The following MDN1 variants were observed in gnomAD, a reference collection of about 807,000 sequenced individuals.
MDN1 encodes the protein midasin.
Under a neutral mutation model 669.2 loss-of-function variants are expected in MDN1, and 266 were observed. The observed-to-expected ratio is 0.40, with a 90% CI of 0.36 to 0.44. MDN1 has a LOEUF of 0.44. Ranked by LOEUF, MDN1 falls within the 20% of genes least tolerant of loss-of-function variation. MDN1 has a pLI of 1.00. For synonymous variants in MDN1, 2,385 were observed against 2,457.1 expected, an observed-to-expected ratio of 0.97 and a Z score of 0.87; for missense variants, 5,940 against 6,754.0, an observed-to-expected ratio of 0.88 and a Z score of 4.22.
chr6:89,718,990 T>G lies in MDN1; in HGVS notation c.6098A>C (p.His2033Pro), dbSNP rs1584260259. Reference sequence around the variant, plus strand: ...GAGCAACAGGGGATGGCGGGACGGGTGAGGAACACAGCTCCCACGGGAAAG... The same window carrying G: ...GAGCAACAGGGGATGGCGGGACGGGGGAGGAACACAGCTCCCACGGGAAAG... Reference protein sequence around the residue: ...SVLSRGSCVPHPSRHPLLLLH... With the variant: ...SVLSRGSCVPPPSRHPLLLLH... The change falls in exon 42 of 102, where the codon CAC (histidine) becomes CCC (proline). Residue 2033 changes from histidine (H) to proline (P), a missense_variant. By Grantham distance (77) the His-to-Pro change is moderately conservative. This residue lies in a region of MDN1 where 2,292 missense variants were observed against 2,638.3 expected (regional missense o/e 0.87). Coordinates refer to ENST00000369393, the MANE Select transcript of MDN1 (RefSeq NM_014611.3). 3 of 1,613,944 alleles carry G rather than the reference T, an allele frequency of 1.9e-6. No homozygotes were observed. Among genetic ancestry groups the G allele is most frequent in the Non-Finnish European group, 2.5e-6 (3 of 1,179,976 alleles).
chr6:89,654,982 A>C (rs1311498279), intron 92 of MDN1, among the ~76,000 whole-genome samples: 1 of 152,206 alleles, frequency 6.6e-6, no homozygotes, highest in Non-Finnish European at 1.5e-5. Flanking sequence ...CAGTGTACTT[A>C]ACTATACAAC....
intron 1 of MDN1, among the ~76,000 whole-genome samples, chr6:89,807,027 T>C (rs1345562802): frequency 6.6e-6 from 1 of 152,192 alleles, no homozygotes; most frequent in Non-Finnish European, 1.5e-5. Context: ...TGAAATTCTT[T>C]ATTTTGAAGA....
At chr6:89,650,282 C>A in intron 96 of MDN1, 84 bp from the exon 97 acceptor site, 1 of 1,270,904 alleles carries the variant, frequency 7.9e-7, no homozygotes, top group Non-Finnish European at 1.1e-6. Context: ...CACAATAATA[C>A]CTTAAAACCA....
rs751545589 is a variant in MDN1, at chr6:89,743,246, T to C, written c.4352A>G (p.His1451Arg). 33 of 1,614,030 alleles carry C rather than the reference T, an allele frequency of 2.0e-5. No individual in the cohort carries two copies. Among genetic ancestry groups the C allele is most frequent in the Non-Finnish European group, 2.7e-5 (32 of 1,179,968 alleles). ...EIDTSRLFEW[H>R]DGPLVQAMKE... ...CATGGCCTGAACCAGAGGCCCATCA[T>C]GCCACTCAAAGAGTCTTGATGTGTC... The change falls in exon 31 of 102, where the codon CAT (histidine) becomes CGT (arginine). Residue 1451 changes from histidine to arginine, a missense_variant. Coordinates refer to ENST00000369393, the MANE Select transcript of MDN1 (RefSeq NM_014611.3).
intron 27 of MDN1, among the ~76,000 whole-genome samples, chr6:89,746,610 AAAAAGAAAGAAAGAAAGAAAGAAAG>A: frequency 7.5e-5 from 1 of 13,340 alleles, no homozygotes; most frequent in East Asian, 5.4e-4. Flanking sequence ...AAAAAAAAAA[AAAAAGAAAGAAAGAAAGAAAGAAAG>A]AAAGAAAGAA....
In MDN1 at chr6:89,643,971, C is replaced by T. The variant is rs369872742; in HGVS notation, c.*34G>A. On this transcript the variant is annotated 3_prime_UTR_variant, in exon 102 of 102. Coordinates refer to ENST00000369393, the MANE Select transcript of MDN1 (RefSeq NM_014611.3). The stretch of plus-strand genomic sequence containing the variant: ...GGTAAGCAATGTGACCTTCTGACCA[C>T]AGTTAAGTCTCACTTTGGACTCTTC... 6.5e-7 allele frequency: 1 copy of T among 1,542,816 alleles called. No individual in the cohort carries two copies. The highest frequency in any genetic ancestry group is 8.8e-7 in the Non-Finnish European group (1 of 1,141,820).
In MDN1 at chr6:89,790,211, G is replaced by T; in HGVS notation, c.1046C>A (p.Thr349Lys). 6.2e-7 allele frequency: 1 copy of T among 1,614,174 alleles called. No homozygotes were observed. The highest frequency in any genetic ancestry group is 8.5e-7 in the Non-Finnish European group (1 of 1,180,008). Residue 349 changes from threonine to lysine, a missense_variant, in exon 6 of 102, where the codon ACA becomes AAA. Thr to Lys is a moderately conservative substitution (Grantham distance 78). This residue lies in a region of MDN1 where 1,203 missense variants were observed against 1,268.9 expected (regional missense o/e 0.95). Transcript: ENST00000369393. The part of the protein sequence containing the change: ...VEYLAAVTGR[T>K]KPPQLLKVQL... ...GACTTTGAGAAGCTGAGGAGGCTTT[G>T]TTCTACCTGTCACTGCAGCTAAATA...
chr6:89,750,374 C>G lies in MDN1; in HGVS notation c.3386G>C (p.Gly1129Ala). Residue 1129 changes from glycine to alanine, a missense_variant, in exon 24 of 102, where the codon GGG (glycine) becomes GCG (alanine). Gly to Ala is a moderately conservative substitution (Grantham distance 60). Around this residue, in one of 5 missense-constraint regions of MDN1, gnomAD observed 2,292 missense variants for 2,638.3 expected, o/e 0.87. Transcript: ENST00000369393. ...CCTACCTTCCTTAAAGACAAGCTTC[C>G]CTGAGGAGTCAGACGTGTAACAACC... The part of the protein sequence containing the change: ...YIGCYTSDSS[G>A]KLVFKEGVLI... 1 of 1,610,756 alleles carries G rather than the reference C, an allele frequency of 6.2e-7. No individual in the cohort carries two copies. Among genetic ancestry groups the G allele is most frequent in the South Asian group, 1.1e-5 (1 of 90,834 alleles).
intron 45 of MDN1, among the ~76,000 whole-genome samples, chr6:89,715,192 C>T (rs925701353): frequency 2.0e-5 from 3 of 152,228 alleles, no homozygotes; most frequent in African/African-American, 7.2e-5. Flanking sequence ...ACCCTCCCCA[C>T]ATTAAACCTG....
At chr6:89,717,631 G>A (rs1038046429) in intron 43 of MDN1, among the ~76,000 whole-genome samples, 2 of 152,128 alleles carry the variant, frequency 1.3e-5, no homozygotes, top group African/African-American at 4.8e-5. Flanking sequence ...TATAATTAGA[G>A]TGAATGAGTA....
chr6:89,789,125 C>A (rs77366231), intron 7 of MDN1, among the ~76,000 whole-genome samples: 14 of 144,738 alleles, frequency 9.7e-5, no homozygotes, highest in African/African-American at 1.0e-4. Context: ...CTCTGTCTCA[C>A]AAAAAAAAAA....
In MDN1 at chr6:89,718,556, A is replaced by G. The variant is rs184674013; in HGVS notation, c.6393T>C (p.Asp2131=). Residue 2131 remains aspartate (D), a synonymous_variant, in exon 43 of 102, where the codon GAT becomes GAC. Transcript: ENST00000369393. ...CATCATCAGCACTGATAAGGAGGCTATCCCTTAACAGTGCCCTTACAGTTC... is the reference window on the plus strand; with the variant it reads ...CATCATCAGCACTGATAAGGAGGCTGTCCCTTAACAGTGCCCTTACAGTTC... ...VEGTVRALLR[D]SLLISADDAE... 7 of 1,614,156 alleles carry G rather than the reference A, an allele frequency of 4.3e-6. No homozygotes were observed. Among genetic ancestry groups the G allele is most frequent in the Middle Eastern group, 1.6e-4 (1 of 6,062 alleles).
rs138339262 is a variant in MDN1, at chr6:89,782,370, C to T, written c.1450-778G>A. On this transcript the variant is annotated intron_variant, in intron 9 of 101. Transcript: ENST00000369393. Reference sequence around the variant, plus strand: ...CAGCACTTTGGGAAGCTGATGTGGGCAGATTGCCTGAGTCCAAGAGTTTGA... The same window carrying T: ...CAGCACTTTGGGAAGCTGATGTGGGTAGATTGCCTGAGTCCAAGAGTTTGA... 7.8e-3 allele frequency among the ~76,000 whole-genome samples: 1,187 copies of T among 152,132 alleles called. 18 individuals are homozygous for T. The highest frequency in any genetic ancestry group is 0.028 in the African/African-American group (1,141 of 41,488).
intron 7 of MDN1, among the ~76,000 whole-genome samples, chr6:89,788,787 G>C (rs1343333777): frequency 6.6e-6 from 1 of 152,202 alleles, no homozygotes; most frequent in Non-Finnish European, 1.5e-5. Flanking sequence ...GAGATAGGTA[G>C]ACAAAATAAG....
At chr6:89,726,033 T>G (rs1287447629) in intron 37 of MDN1, among the ~76,000 whole-genome samples, 4 of 151,836 alleles carry the variant, frequency 2.6e-5, no homozygotes, top group African/African-American at 7.3e-5. Context: ...AATTTTAAAG[T>G]TAAGAATCTT....
chr6:89,700,046 C>T lies in MDN1; in HGVS notation c.8870+17G>A, dbSNP rs755747658. 12 of 1,608,910 alleles carry T rather than the reference C, an allele frequency of 7.5e-6. No homozygotes were observed. In the East Asian group the frequency reaches 2.5e-4, roughly 33 times the overall value. On this transcript the variant is annotated intron_variant, in intron 57 of 101. Transcript: ENST00000369393. ...AAAAAAGTTCCCGCAAGGAAAACAA[C>T]TGAAAGCATGGTTTACCTTCTGAGA... is the stretch of plus-strand genomic sequence containing the variant.
chr6:89,658,886 T>G lies in MDN1; in HGVS notation c.14745A>C (p.Pro4915=). The change falls in exon 89 of 102, where the codon CCA becomes CCC. Residue 4915 remains proline (P), a synonymous_variant. Coordinates refer to ENST00000369393, the MANE Select transcript of MDN1 (RefSeq NM_014611.3). ...EENPLEIKEK[P]EEAGHEAEER... ...CCTCAGCTTCATGACCTGCTTCTTC[T>G]GGTTTTTCTTTTATCTCCAAAGGAT... 1 of 1,612,592 alleles carries G rather than the reference T, an allele frequency of 6.2e-7. No homozygotes were observed. Among genetic ancestry groups the G allele is most frequent in the South Asian group, 1.1e-5 (1 of 90,916 alleles).
rs1463553618 is a variant in MDN1, at chr6:89,678,690, T to C, written c.12321A>G (p.Ala4107=). 31 of 1,614,034 alleles carry C rather than the reference T, an allele frequency of 1.9e-5. No homozygotes were observed. Among genetic ancestry groups the C allele is most frequent in the Non-Finnish European group, 2.5e-5 (29 of 1,180,000 alleles). The change falls in exon 75 of 102, where the codon GCA becomes GCG. Residue 4107 remains alanine, a synonymous_variant. Coordinates refer to ENST00000369393, the MANE Select transcript of MDN1 (RefSeq NM_014611.3). ...CTTCTGACCGCTGCTTCTCCTTCTCTGCAGAGGGTTCCACCTTTAAGCTCT... is the reference window on the plus strand; with the variant it reads ...CTTCTGACCGCTGCTTCTCCTTCTCCGCAGAGGGTTCCACCTTTAAGCTCT... ...ELQSLKVEPS[A]EKEKQRSEAK...
At chr6:89,707,561 A>C in intron 51 of MDN1, 85 bp from the exon 52 acceptor site, 3 of 864,756 alleles carry the variant, frequency 3.5e-6, no homozygotes, top group Non-Finnish European at 3.9e-6. Context: ...GAACACTTGG[A>C]ACATCAGGGT....
Sources: gnomAD v4.1 joint callset for allele counts (sites outside exome capture counted in the v4.1 genomes callset) on GRCh38, gnomAD v4.1.1 for gene constraint, gnomAD v4.1.1 regional missense constraint, MANE v1.5 for transcripts, NCBI Gene and HGNC (gene_info 2026-07-23, HGNC 2026-07-21) for gene names.